ATP7A: variants seen among roughly 807,000 people sequenced by gnomAD.
ATP7A encodes copper-transporting ATPase 1.
In ATP7A, 7 loss-of-function variants were observed where a neutral mutation model predicts 83.5. That is an observed-to-expected ratio of 0.08 (90% confidence interval 0.05 to 0.16). The LOEUF (loss-of-function observed/expected upper bound fraction) is 0.16, where lower values mean the gene tolerates loss of function less well. Among genes scored for constraint, ATP7A ranks in the 10% least tolerant of loss-of-function variants. The pLI is 1.00. For synonymous variants in ATP7A, 354 were observed against 395.2 expected, an observed-to-expected ratio of 0.90 and a Z score of 1.24; for missense variants, 940 against 1,120.8, an observed-to-expected ratio of 0.84 and a Z score of 2.30.
chrX:78,018,632 A>G (rs1277341530), intron 12 of ATP7A, among the ~76,000 whole-genome samples: 1 of 112,400 alleles, frequency 8.9e-6, no homozygotes. Context: ...ACCCAGTTCC[A>G]AAGTCGCTTC....
chrX:78,012,834 T>C, intron 9 of ATP7A, 45 bp from the exon 10 acceptor site: 3 of 1,069,357 alleles, frequency 2.8e-6, no homozygotes, highest in Non-Finnish European at 3.9e-6. Context: ...ATATGTGAAT[T>C]TCAGCATTTT....
In ATP7A at chrX:77,992,680, C is replaced by T. The variant is rs781941153; in HGVS notation, c.1336+2722C>T. Reference sequence around the variant, plus strand: ...AGGCTGAAGTGCAATGGCATGATCTCGGCTCACTGCAACCTCTGTGCCCCG... The same window carrying T: ...AGGCTGAAGTGCAATGGCATGATCTTGGCTCACTGCAACCTCTGTGCCCCG... On this transcript the variant is annotated intron_variant, in intron 4 of 22. Transcript: ENST00000341514. 1.3e-4 allele frequency among the ~76,000 whole-genome samples: 14 copies of T among 110,920 alleles called. No individual in the cohort carries two copies. In the East Asian group the frequency reaches 1.7e-3, roughly 14 times the overall value.
chrX:77,969,641 C>T (rs1557229386), intron 1 of ATP7A: 1 of 1,211,323 alleles, frequency 8.3e-7, no homozygotes, highest in Non-Finnish European at 1.1e-6. Flanking sequence ...GCGGCCATGG[C>T]GGTGGGCTGC....
chrX:77,987,422 C>T (rs1443384613), intron 2 of ATP7A, among the ~76,000 whole-genome samples: 3 of 99,971 alleles, frequency 3.0e-5, no homozygotes, highest in Non-Finnish European at 6.0e-5. Flanking sequence ...GAACTTAAAT[C>T]TTCTGACTCC....
At chrX:77,969,885 T>C (rs1414877236) in intron 1 of ATP7A, among the ~76,000 whole-genome samples, 1 of 111,971 alleles carries the variant, frequency 8.9e-6, no homozygotes, top group Non-Finnish European at 1.9e-5. Context: ...GTTTTTATTC[T>C]AGTGGGAAGT....
intron 2 of ATP7A, among the ~76,000 whole-genome samples, chrX:77,985,141 C>T (rs925695304): frequency 1.8e-5 from 2 of 110,598 alleles, no homozygotes; most frequent in African/African-American, 6.6e-5. Context: ...ACCTCAGCCC[C>T]TTGAGCAGCT....
chrX:78,041,855 C>T lies in ATP7A; in HGVS notation c.3802-730C>T, dbSNP rs1331169248. ...TATTTTGGCCGGGTTTGTTGGCTCA[C>T]GCCTGTAATCCCAGCACTTTGGGAG... is the stretch of plus-strand genomic sequence containing the variant. On this transcript the variant is annotated intron_variant, in intron 19 of 22. Coordinates refer to ENST00000341514, the MANE Select transcript of ATP7A (RefSeq NM_000052.7). Among the ~76,000 whole-genome samples the T allele has an allele frequency of 4.5e-5, 5 of 110,627 alleles. No individual in the cohort carries two copies. The South Asian group carries it at 1.6e-3, about 34-fold the overall frequency.
In ATP7A at chrX:78,028,049, G is replaced by GT. The variant is rs782313729; in HGVS notation, c.2917-1200dup. ...TTTATTTATTTATTTTTGAGACAGG[G>GT]TCTCGCTCTGTTGCCCAGGCAGGAA... On this transcript the variant is annotated intron_variant, in intron 14 of 22. Coordinates refer to ENST00000341514, the MANE Select transcript of ATP7A (RefSeq NM_000052.7). Among the ~76,000 whole-genome samples the GT allele has an allele frequency of 3.4e-4, 37 of 108,973 alleles. No individual in the cohort carries two copies. The East Asian group carries it at 9.7e-3, about 29-fold the overall frequency. 94.6% of individuals were successfully genotyped at this position (108,973 alleles called of 115,157 possible).
At chrX:77,984,402 A>G (rs1283873429) in intron 2 of ATP7A, among the ~76,000 whole-genome samples, 1 of 108,489 alleles carries the variant, frequency 9.2e-6, no homozygotes, top group Admixed American at 9.9e-5. Context: ...ATGTCGGCTC[A>G]CTGCAACCTC....
At chrX:77,983,723 C>T (rs782007381) in intron 2 of ATP7A, among the ~76,000 whole-genome samples, 8 of 109,610 alleles carry the variant, frequency 7.3e-5, no homozygotes, top group Non-Finnish European at 1.3e-4. Context: ...TTTTCCGAGA[C>T]GGAGTTTCAC....
chrX:78,010,683 G>A (rs1368959791), intron 7 of ATP7A, among the ~76,000 whole-genome samples: 1 of 100,502 alleles, frequency 1.0e-5, no homozygotes, highest in Non-Finnish European at 2.0e-5. Flanking sequence ...GGGTTCAAGC[G>A]ATTCTCCTGT....
At chrX:77,933,758 A>G (rs1354317536) in intron 1 of ATP7A, among the ~76,000 whole-genome samples, 2 of 112,486 alleles carry the variant, frequency 1.8e-5, no homozygotes, top group Non-Finnish European at 3.8e-5. Flanking sequence ...CATGTGGACA[A>G]TCTGTGATCG....
Position 78,029,520 on chromosome X carries a change from T to A in ATP7A, c.3111+76T>A, listed in dbSNP as rs2077969492. ...CCCCTCACATGTGAGAAACACATAC[T>A]CCTAAATTATTTCTCTGTGGTCCAT... On this transcript the variant is annotated intron_variant, in intron 15 of 22. Coordinates refer to ENST00000341514, the MANE Select transcript of ATP7A (RefSeq NM_000052.7). 12 of 985,123 alleles carry A rather than the reference T, an allele frequency of 1.2e-5. No individual in the cohort carries two copies. In the Admixed American group the frequency reaches 2.7e-4, roughly 22 times the overall value. The allele number at this position is 985,123 out of a possible 1,213,427, so 81.2% of individuals were successfully genotyped here.
intron 2 of ATP7A, among the ~76,000 whole-genome samples, chrX:77,974,386 C>T (rs1373790113): frequency 9.0e-6 from 1 of 111,028 alleles, no homozygotes; most frequent in African/African-American, 3.3e-5. Flanking sequence ...TTGAGTGATC[C>T]GTCCACCTCG....
At chrX:77,971,973 A>G (rs1219283786) in intron 2 of ATP7A, among the ~76,000 whole-genome samples, 1 of 111,779 alleles carries the variant, frequency 8.9e-6, no homozygotes, top group Non-Finnish European at 1.9e-5. Flanking sequence ...ACATCTGAAC[A>G]TGGAATCTTG....
chrX:77,937,865 G>GTT (rs1431974436), intron 1 of ATP7A, among the ~76,000 whole-genome samples: 3 of 104,572 alleles, frequency 2.9e-5, no homozygotes, highest in African/African-American at 7.0e-5. Context: ...TGATGGGATG[G>GTT]TTCTCTCTCT....
chrX:78,045,598 T>A, intron 22 of ATP7A, 26 bp downstream of exon 22: 1 of 1,107,677 alleles, frequency 9.0e-7, no homozygotes, highest in South Asian at 1.8e-5. Context: ...TGCTCACATT[T>A]GTATTTTGTA....
At chrX:78,033,571 C>T in intron 16 of ATP7A, 34 bp from the exon 17 acceptor site, 1 of 1,166,044 alleles carries the variant, frequency 8.6e-7, no homozygotes, top group Non-Finnish European at 1.2e-6. Context: ...ATTATCAGAA[C>T]AGTAGAGGAA....
chrX:77,954,582 G>T (rs782281641), intron 1 of ATP7A, among the ~76,000 whole-genome samples: 1 of 111,814 alleles, frequency 8.9e-6, no homozygotes, highest in South Asian at 3.6e-4. Context: ...CATTTTAAAG[G>T]TTTATACAAT....
Sources: gnomAD v4.1 joint callset for allele counts (sites outside exome capture counted in the v4.1 genomes callset) on GRCh38, gnomAD v4.1.1 for gene constraint, MANE v1.5 for transcripts, NCBI Gene and HGNC (gene_info 2026-07-23, HGNC 2026-07-21) for gene names.